GRIP1: variants seen among roughly 807,000 people sequenced by gnomAD.
The protein encoded by GRIP1 is glutamate receptor interacting protein 1, also known as glutamate receptor-interacting protein 1.
In GRIP1, 45 loss-of-function variants were observed where a neutral mutation model predicts 129.9. The ratio of observed to expected loss-of-function variants is 0.35; its 90% CI spans 0.27 to 0.44. GRIP1 has a LOEUF of 0.44. Among genes scored for constraint, GRIP1 ranks in the 20% least tolerant of loss-of-function variants. The pLI is 1.00. For synonymous variants in GRIP1, 530 were observed against 520.8 expected, an observed-to-expected ratio of 1.02 and a Z score of -0.24; for missense variants, 1,196 against 1,396.8, an observed-to-expected ratio of 0.86 and a Z score of 2.29.
intron 1 of GRIP1, among the ~76,000 whole-genome samples, chr12:66,823,257 T>C (rs1181022527): frequency 6.6e-6 from 1 of 152,212 alleles, no homozygotes; most frequent in Non-Finnish European, 1.5e-5. Flanking sequence ...CAAAATTTCC[T>C]AGGAAATTAA....
chr12:66,585,854 T>A (rs1232713689), intron 2 of GRIP1, among the ~76,000 whole-genome samples: 1 of 148,946 alleles, frequency 6.7e-6, no homozygotes, highest in Non-Finnish European at 1.5e-5. Context: ...TGATGGCCAG[T>A]GATGATGAGC....
chr12:66,808,587 G>GT (rs1465654040), upstream of GRIP1, among the ~76,000 whole-genome samples: 1 of 150,000 alleles, frequency 6.7e-6, no homozygotes, highest in Non-Finnish European at 1.5e-5. Flanking sequence ...ATGAGCCACT[G>GT]TTTTTCTGTT....
At position 66,738,126 on chromosome 12, in the gene GRIP1, T is replaced by G. The variant is rs1171330346; in HGVS notation, c.-420+65927A>C. On this transcript the variant is annotated intron_variant, in intron 1 of 4. Coordinates refer to the GRIP1 transcript ENST00000538373. ...ACTGGGAAGAAGTGCAGAGATGGGCTGAGAGAAGGCACAGCAGGAGGAGAG... is the reference window on the plus strand; with the variant it reads ...ACTGGGAAGAAGTGCAGAGATGGGCGGAGAGAAGGCACAGCAGGAGGAGAG... 2.0e-5 allele frequency among the ~76,000 whole-genome samples: 3 copies of G among 151,986 alleles called. No homozygotes were observed. The East Asian group carries it at 5.8e-4, about 29-fold the overall frequency.
intron 9 of GRIP1, among the ~76,000 whole-genome samples, chr12:66,459,468 C>T (rs577126279): frequency 1.3e-5 from 2 of 152,276 alleles, no homozygotes; most frequent in African/African-American, 4.8e-5. Flanking sequence ...GGATTCTACA[C>T]CCACCTTTTG....
chr12:66,543,587 G>T (rs1355274856), intron 2 of GRIP1, among the ~76,000 whole-genome samples: 2 of 152,082 alleles, frequency 1.3e-5, no homozygotes, highest in Admixed American at 6.6e-5. Flanking sequence ...AACATACGTA[G>T]ATTCAACTGA....
intron 1 of GRIP1, among the ~76,000 whole-genome samples, chr12:67,068,522 C>T (rs2043671163): frequency 6.6e-6 from 1 of 152,102 alleles, no homozygotes; most frequent in Non-Finnish European, 1.5e-5. Context: ...GCCTCCCCTA[C>T]GCTCTTCCTT....
At chr12:66,712,848 T>C (rs1004878990) in intron 1 of GRIP1, among the ~76,000 whole-genome samples, 4 of 152,006 alleles carry the variant, frequency 2.6e-5, no homozygotes, top group African/African-American at 9.7e-5. Context: ...CTTATCACTA[T>C]GTAGAATAAT....
At chr12:66,496,033 T>C (rs2060231288) in intron 7 of GRIP1, among the ~76,000 whole-genome samples, 1 of 152,212 alleles carries the variant, frequency 6.6e-6, no homozygotes, top group African/African-American at 2.4e-5. Context: ...TGTGAGTTAA[T>C]GATAACCACT....
At chr12:66,908,226 A>G (rs936853000) in intron 1 of GRIP1, among the ~76,000 whole-genome samples, 1 of 152,166 alleles carries the variant, frequency 6.6e-6, no homozygotes, top group African/African-American at 2.4e-5. Context: ...AGATGAGATG[A>G]ATAAGAGAGT....
At chr12:66,563,039 C>T (rs543744923) in intron 2 of GRIP1, among the ~76,000 whole-genome samples, 10 of 151,492 alleles carry the variant, frequency 6.6e-5, no homozygotes, top group South Asian at 2.1e-4. Context: ...CTTGCTATCT[C>T]GGGGGTGGCA....
At chr12:67,007,144 G>A (rs1456529497) in intron 1 of GRIP1, among the ~76,000 whole-genome samples, 1 of 152,168 alleles carries the variant, frequency 6.6e-6, no homozygotes, top group Non-Finnish European at 1.5e-5. Flanking sequence ...GCACAGTGGT[G>A]ATGGGCAGAG....
At chr12:66,605,325 A>T (rs1197601818) in intron 1 of GRIP1, among the ~76,000 whole-genome samples, 1 of 152,110 alleles carries the variant, frequency 6.6e-6, no homozygotes, top group Non-Finnish European at 1.5e-5. Context: ...AACCGTAGAG[A>T]AAAAGAGGGA....
At chr12:66,377,463 G>A (rs1000993182) in intron 20 of GRIP1, among the ~76,000 whole-genome samples, 178 bp from the exon 21 acceptor site, 1 of 151,094 alleles carries the variant, frequency 6.6e-6, no homozygotes, top group East Asian at 1.9e-4. Context: ...GAGTAGCTGG[G>A]ACTACAGGCG....
At chr12:66,825,370 C>T (rs1473332638) in intron 1 of GRIP1, among the ~76,000 whole-genome samples, 1 of 152,156 alleles carries the variant, frequency 6.6e-6, no homozygotes, top group East Asian at 1.9e-4. Context: ...CAAAGTCTGC[C>T]AATATCACGC....
At chr12:66,379,202 G>A in intron 20 of GRIP1, 78 bp downstream of exon 20, 3 of 1,352,250 alleles carry the variant, frequency 2.2e-6, no homozygotes, top group Admixed American at 1.7e-5. Flanking sequence ...ATGTGCTACT[G>A]GAAGTACAGA....
chr12:66,522,315 C>T lies in GRIP1; in HGVS notation c.503-4339G>A, dbSNP rs771041524. On this transcript the variant is annotated intron_variant, in intron 5 of 24. Coordinates refer to ENST00000359742, the MANE Select transcript of GRIP1 (RefSeq NM_001366722.1). Reference sequence around the variant, plus strand: ...CTCTTAGACAAAACTTCCAGAGGAACGATCAGGCAGCAGCATTTGCGGATC... The same window carrying T: ...CTCTTAGACAAAACTTCCAGAGGAATGATCAGGCAGCAGCATTTGCGGATC... Among the ~76,000 whole-genome samples, 15 of 152,326 alleles carry T rather than the reference C, an allele frequency of 9.8e-5. No individual in the cohort carries two copies. In the East Asian group the frequency reaches 2.1e-3, roughly 22 times the overall value.
At chr12:66,974,597 T>G (rs2042125195) in intron 1 of GRIP1, among the ~76,000 whole-genome samples, 1 of 152,226 alleles carries the variant, frequency 6.6e-6, no homozygotes, top group African/African-American at 2.4e-5. Context: ...ACGGATATTG[T>G]TCTCTGGAAT....
chr12:66,771,010 T>C (rs1186554417), intron 1 of GRIP1, among the ~76,000 whole-genome samples: 1 of 152,086 alleles, frequency 6.6e-6, no homozygotes, highest in African/African-American at 2.4e-5. Context: ...GGAGAATCGC[T>C]TGAACCCAGG....
Position 66,369,217 on chromosome 12 carries a change from C to T in GRIP1, c.3012+2477G>A, listed in dbSNP as rs114640064. Among the ~76,000 whole-genome samples the T allele has an allele frequency of 2.4e-3, 370 of 152,094 alleles. 3 individuals carry two copies. Among genetic ancestry groups the T allele is most frequent in the African/African-American group, 7.5e-3 (312 of 41,520 alleles). ...ACTTATAAGGTCAATTTGGCTCATGCGTGTCTGTGATCTCAGGATCTTACA... is the reference window on the plus strand; with the variant it reads ...ACTTATAAGGTCAATTTGGCTCATGTGTGTCTGTGATCTCAGGATCTTACA... On this transcript the variant is annotated intron_variant, in intron 23 of 24. Coordinates refer to ENST00000359742, the MANE Select transcript of GRIP1 (RefSeq NM_001366722.1).
Sources: gnomAD v4.1 joint callset for allele counts (sites outside exome capture counted in the v4.1 genomes callset) on GRCh38, gnomAD v4.1.1 for gene constraint, MANE v1.5 for transcripts, NCBI Gene and HGNC (gene_info 2026-07-23, HGNC 2026-07-21) for gene names.